The following NEDD4L variants were observed in gnomAD, a reference collection of about 807,000 sequenced individuals.
NEDD4L encodes NEDD4 like E3 ubiquitin protein ligase, also known as E3 ubiquitin-protein ligase NEDD4-like.
In NEDD4L, 54 loss-of-function variants were observed where a neutral mutation model predicts 148.9. The ratio of observed to expected loss-of-function variants is 0.36; its 90% CI spans 0.29 to 0.45. The LOEUF (loss-of-function observed/expected upper bound fraction) is 0.45. Ranked by LOEUF, NEDD4L falls within the 20% of genes least tolerant of loss-of-function variation. The pLI, the probability that NEDD4L is intolerant of heterozygous loss-of-function variation, is 1.00. For synonymous variants in NEDD4L, 433 were observed against 440.7 expected (o/e 0.98, Z 0.22); for missense variants, 856 against 1,233.8 (o/e 0.69, Z 4.59).
intron 13 of NEDD4L, among the ~76,000 whole-genome samples, chr18:58,336,668 G>A (rs1444942632): frequency 1.3e-5 from 2 of 152,006 alleles, no homozygotes; most frequent in African/African-American, 4.8e-5. Flanking sequence ...GTATACAATT[G>A]CTGATTTTCT....
chr18:58,082,079 AATAT>A (rs72331379), intron 1 of NEDD4L, among the ~76,000 whole-genome samples: 32 of 89,942 alleles, frequency 3.6e-4, no homozygotes, highest in African/African-American at 6.9e-4. Context: ...CTTTCTGATG[AATAT>A]ATATATATAT....
At chr18:58,099,536 G>C (rs1017580545) in intron 1 of NEDD4L, among the ~76,000 whole-genome samples, 1 of 152,166 alleles carries the variant, frequency 6.6e-6, no homozygotes, top group African/African-American at 2.4e-5. Flanking sequence ...TCTTCCTTTA[G>C]TGCTATTTCC....
chr18:58,392,095 G>T (rs934486374), intron 30 of NEDD4L, among the ~76,000 whole-genome samples: 3 of 152,236 alleles, frequency 2.0e-5, no homozygotes, highest in Non-Finnish European at 2.9e-5. Flanking sequence ...CCCTCAGAAG[G>T]CCCTCTCAGG....
intron 1 of NEDD4L, among the ~76,000 whole-genome samples, chr18:58,101,076 G>T (rs371616259): frequency 2.0e-5 from 3 of 152,322 alleles, no homozygotes; most frequent in South Asian, 4.1e-4. Flanking sequence ...AAAGTGCTGG[G>T]ATTATAGGTG....
intron 1 of NEDD4L, among the ~76,000 whole-genome samples, chr18:58,098,216 GGA>G (rs2084541921): frequency 6.6e-6 from 1 of 152,058 alleles, no homozygotes; most frequent in Non-Finnish European, 1.5e-5. Flanking sequence ...AACTGAGAGG[GGA>G]TCCCTCTCCT....
chr18:58,276,731 GCGAAGTTAATAGC>G, intron 5 of NEDD4L, among the ~76,000 whole-genome samples: 1 of 150,024 alleles, frequency 6.7e-6, no homozygotes, highest in African/African-American at 2.4e-5. Flanking sequence ...TGCTTACTAG[GCGAAGTTAATAGC>G]TCCCACCCAT....
chr18:58,051,579 A>C (rs185447189), intron 1 of NEDD4L, among the ~76,000 whole-genome samples: 172 of 152,332 alleles, frequency 1.1e-3, no homozygotes, highest in African/African-American at 3.2e-3. Context: ...AGCCAATTAA[A>C]TTTTTTATTT....
At chr18:58,308,890 T>C (rs761253110) in intron 5 of NEDD4L, among the ~76,000 whole-genome samples, 4 of 152,196 alleles carry the variant, frequency 2.6e-5, no homozygotes, top group Non-Finnish European at 5.9e-5. Context: ...TACAAACACC[T>C]GCTGACAAGA....
rs532386915 is a variant in NEDD4L, at chr18:58,136,420, T to C, written c.49-29368T>C. Among the ~76,000 whole-genome samples, 99 of 152,292 alleles carry C rather than the reference T, an allele frequency of 6.5e-4. 2 individuals are homozygous for C. In the South Asian group the frequency reaches 0.019, roughly 29 times the overall value. The stretch of plus-strand genomic sequence containing the variant: ...TTTTCAAAGTGCCTTCTCTCCCCAG[T>C]GTTGGGTTTGGAGTAGAGCAAGAGT... On this transcript the variant is annotated intron_variant, in intron 1 of 30. Transcript: ENST00000400345.
chr18:58,076,893 C>G (rs1338040517), intron 1 of NEDD4L, among the ~76,000 whole-genome samples: 2 of 150,526 alleles, frequency 1.3e-5, no homozygotes, highest in East Asian at 3.9e-4. Context: ...CTGTGTCACC[C>G]AGGCTGGAGT....
At chr18:58,219,488 T>C (rs1457483638) in intron 2 of NEDD4L, among the ~76,000 whole-genome samples, 1 of 152,212 alleles carries the variant, frequency 6.6e-6, no homozygotes, top group Admixed American at 6.5e-5. Flanking sequence ...TAGCACAGAC[T>C]GGGTGGCTCA....
intron 5 of NEDD4L, among the ~76,000 whole-genome samples, chr18:58,272,160 C>T (rs1336515290): frequency 6.6e-6 from 1 of 152,026 alleles, no homozygotes; most frequent in East Asian, 1.9e-4. Context: ...GTTTGTCTTT[C>T]CAGACCTATT....
chr18:58,195,927 A>G (rs4941364), intron 2 of NEDD4L, among the ~76,000 whole-genome samples: 57,136 of 152,080 alleles, frequency 0.38, 12,146 homozygotes, highest in African/African-American at 0.58. Context: ...AAAAGGCGGC[A>G]CAGTGAAAAC....
intron 2 of NEDD4L, among the ~76,000 whole-genome samples, chr18:58,215,090 G>A (rs1272532371): frequency 1.3e-5 from 2 of 152,126 alleles, no homozygotes; most frequent in Non-Finnish European, 2.9e-5. Context: ...AGGATTACAG[G>A]CGTGAGCCAC....
Position 58,256,087 on chromosome 18 carries a change from C to T in NEDD4L, c.297+4033C>T. ...GCTCCCGGGAGCCCTCGCCGAGGGA[C>T]ACCCCCGGGAGCTCCCCTCCGAGGG... is the stretch of plus-strand genomic sequence containing the variant. On this transcript the variant is annotated intron_variant, in intron 5 of 30. Transcript: ENST00000400345. The surrounding 1 kb of genome is among the most constrained non-coding windows in gnomAD (Gnocchi z 5.2). 8.1e-7 allele frequency: 1 copy of T among 1,228,022 alleles called. No homozygotes were observed. Among genetic ancestry groups the T allele is most frequent in the East Asian group, 3.2e-5 (1 of 31,300 alleles). The allele number at this position is 1,228,022 out of a possible 1,614,324, so 76.1% of individuals were successfully genotyped here. A position where few individuals can be genotyped will look rare whatever the true frequency, so the allele number is the denominator to read the frequency against.
At chr18:58,123,077 T>G (rs999779985) in intron 1 of NEDD4L, among the ~76,000 whole-genome samples, 6 of 152,192 alleles carry the variant, frequency 3.9e-5, no homozygotes, top group African/African-American at 1.4e-4. Context: ...CCTCTGTGCC[T>G]TTTGGGTTCC....
chr18:58,290,682 A>C (rs1156753243), intron 5 of NEDD4L, among the ~76,000 whole-genome samples: 1 of 152,176 alleles, frequency 6.6e-6, no homozygotes, highest in Non-Finnish European at 1.5e-5. Context: ...AGCTTTGAAC[A>C]AAGGATTATT....
At chr18:58,251,012 G>A (rs1226289977) in intron 4 of NEDD4L, among the ~76,000 whole-genome samples, 1 of 152,136 alleles carries the variant, frequency 6.6e-6, no homozygotes, top group Non-Finnish European at 1.5e-5. Flanking sequence ...CTCTCTCATG[G>A]TTCACAGTCT....
chr18:58,301,658 C>T (rs1277811010), intron 5 of NEDD4L, among the ~76,000 whole-genome samples: 1 of 152,188 alleles, frequency 6.6e-6, no homozygotes, highest in Non-Finnish European at 1.5e-5. Flanking sequence ...CTGAACAGTT[C>T]TGCCAGGGTC....
Sources: allele counts gnomAD v4.1 joint callset (sites outside exome capture counted in the v4.1 genomes callset), GRCh38; gene constraint gnomAD v4.1.1; non-coding constraint Gnocchi (gnomAD v3.1); transcripts MANE v1.5; gene names NCBI Gene and HGNC (gene_info 2026-07-23, HGNC 2026-07-21).